ZNF704: variants seen among roughly 807,000 people sequenced by gnomAD.
ZNF704 encodes the protein zinc finger protein 704.
ZNF704 carries 10 observed loss-of-function variants against 44.7 expected under a neutral mutation model. The observed-to-expected ratio is 0.22, with a 90% CI of 0.14 to 0.38. ZNF704 has a LOEUF of 0.38. Among genes scored for constraint, ZNF704 ranks in the 10% least tolerant of loss-of-function variants. The pLI is 1.00. For synonymous variants in ZNF704, 211 were observed against 207.6 expected, an observed-to-expected ratio of 1.02 and a Z score of -0.14; for missense variants, 390 against 545.5, an observed-to-expected ratio of 0.71 and a Z score of 2.84.
At position 80,632,203 on chromosome 8, in the gene ZNF704, T is replaced by C. The variant is rs1817598271; in HGVS notation, c.*9163A>G. 1 of 152,208 alleles carries C rather than the reference T, an allele frequency of 6.6e-6. No individual in the cohort carries two copies. The highest frequency in any genetic ancestry group is 2.1e-4 in the South Asian group (1 of 4,834). 9.4% of individuals were successfully genotyped at this position (152,208 alleles called of 1,614,324 possible). On this transcript the variant is annotated 3_prime_UTR_variant, in exon 9 of 9. Coordinates refer to ENST00000327835, the MANE Select transcript of ZNF704 (RefSeq NM_001033723.3). ...GAAATTTCCTTCCTTAATGGTAGTC[T>C]CACCCCAGGTGCAGCAGTGAAATCT...
intron 2 of ZNF704, among the ~76,000 whole-genome samples, chr8:80,732,978 A>T (rs1585988368): frequency 6.6e-6 from 1 of 150,720 alleles, no homozygotes; most frequent in Non-Finnish European, 1.5e-5. Context: ...AAAAAAGAGA[A>T]CCAGCCAAAT....
chr8:80,684,648 T>C (rs916165109), intron 4 of ZNF704, among the ~76,000 whole-genome samples: 14 of 152,234 alleles, frequency 9.2e-5, no homozygotes, highest in Admixed American at 3.9e-4. Context: ...CATGATTTTT[T>C]AAATCTCTAA....
At chr8:80,832,863 C>T (rs1808492991) in intron 1 of ZNF704, among the ~76,000 whole-genome samples, 2 of 152,070 alleles carry the variant, frequency 1.3e-5, no homozygotes, top group Non-Finnish European at 2.9e-5. Flanking sequence ...TATTCCCCTC[C>T]ACATCAGGAT....
chr8:80,771,147 C>T (rs1807312675), intron 2 of ZNF704, among the ~76,000 whole-genome samples: 1 of 152,154 alleles, frequency 6.6e-6, no homozygotes. Context: ...ATTTATTCCT[C>T]CTACTTTATT....
chr8:80,668,489 G>A (rs1487452199), intron 5 of ZNF704, among the ~76,000 whole-genome samples: 5 of 152,168 alleles, frequency 3.3e-5, no homozygotes, highest in Non-Finnish European at 7.3e-5. Flanking sequence ...AGACCCCAGA[G>A]AGTGGGAAGA....
chr8:80,720,230 T>G (rs1180404500), intron 2 of ZNF704, among the ~76,000 whole-genome samples: 1 of 152,194 alleles, frequency 6.6e-6, no homozygotes, highest in Non-Finnish European at 1.5e-5. Flanking sequence ...TACGGAGATT[T>G]ATATCTCTGC....
At chr8:80,875,642 T>G (rs1040454692), upstream of ZNF704, among the ~76,000 whole-genome samples, 7 of 152,098 alleles carry the variant, frequency 4.6e-5, no homozygotes, top group African/African-American at 1.7e-4. Flanking sequence ...TACCCCCAAT[T>G]CCATCCCTGT....
intron 1 of ZNF704, among the ~76,000 whole-genome samples, chr8:80,826,808 A>G (rs1808385347): frequency 6.6e-6 from 1 of 152,238 alleles, no homozygotes; most frequent in African/African-American, 2.4e-5. Context: ...ATATAAACAG[A>G]ACCAAAGAAA....
chr8:80,814,692 A>G (rs1211583317), intron 2 of ZNF704, among the ~76,000 whole-genome samples: 1 of 152,228 alleles, frequency 6.6e-6, no homozygotes, highest in African/African-American at 2.4e-5. Context: ...GAAATGTTCT[A>G]AAATTTCAAT....
intron 2 of ZNF704, among the ~76,000 whole-genome samples, chr8:80,806,844 T>G (rs551861561): frequency 6.6e-6 from 1 of 152,336 alleles, no homozygotes; most frequent in African/African-American, 2.4e-5. Context: ...CCTCAGCCAC[T>G]GGGTCACTTT....
chr8:80,754,809 T>C (rs1807007538), intron 2 of ZNF704, among the ~76,000 whole-genome samples: 1 of 152,180 alleles, frequency 6.6e-6, no homozygotes, highest in African/African-American at 2.4e-5. Flanking sequence ...CAGTTCTCTG[T>C]GTTCTCTTCT....
chr8:80,830,753 CTTTTT>C (rs772059759), intron 1 of ZNF704, among the ~76,000 whole-genome samples: 84 of 89,130 alleles, frequency 9.4e-4, no homozygotes, highest in African/African-American at 3.9e-3. Flanking sequence ...GTGTTTCTTT[CTTTTT>C]TTTTTTTTTT....
chr8:80,652,620 A>C (rs1295428285), intron 7 of ZNF704, among the ~76,000 whole-genome samples: 1 of 152,216 alleles, frequency 6.6e-6, no homozygotes, highest in African/African-American at 2.4e-5. Context: ...TAAACCAGGA[A>C]GAAGTTGAAT....
intron 2 of ZNF704, among the ~76,000 whole-genome samples, chr8:80,703,884 T>G (rs1018576604): frequency 3.5e-4 from 54 of 152,334 alleles, no homozygotes; most frequent in African/African-American, 1.2e-3. Context: ...TCTGAAAAAC[T>G]TCTGCAGTTC....
chr8:80,883,923 T>G, the ZNF704 span, among the ~76,000 whole-genome samples: 1 of 152,220 alleles, frequency 6.6e-6, no homozygotes, highest in Non-Finnish European at 1.5e-5. Flanking sequence ...CTATGTTTGT[T>G]ATTTTATCTC....
At chr8:80,846,840 C>G (rs1193900513) in intron 1 of ZNF704, among the ~76,000 whole-genome samples, 1 of 152,180 alleles carries the variant, frequency 6.6e-6, no homozygotes, top group Non-Finnish European at 1.5e-5. Flanking sequence ...AGTCACATTT[C>G]TATATACTTA....
chr8:80,828,231 C>A (rs559213730), intron 1 of ZNF704, among the ~76,000 whole-genome samples: 1 of 152,226 alleles, frequency 6.6e-6, no homozygotes, highest in South Asian at 2.1e-4. Context: ...ATAAAGAAGT[C>A]AGAATAATTT....
chr8:80,717,428 G>T (rs2131666163), intron 2 of ZNF704, among the ~76,000 whole-genome samples: 1 of 152,324 alleles, frequency 6.6e-6, no homozygotes, highest in South Asian at 2.1e-4. Context: ...CTGCAAAACT[G>T]GGTTGAAGTT....
chr8:80,714,915 T>A (rs2131663674), intron 2 of ZNF704, among the ~76,000 whole-genome samples: 1 of 152,304 alleles, frequency 6.6e-6, no homozygotes, highest in South Asian at 2.1e-4. Flanking sequence ...CCTCCATGCA[T>A]ACAAGCAGAA....
Sources: allele counts gnomAD v4.1 joint callset (sites outside exome capture counted in the v4.1 genomes callset), GRCh38; gene constraint gnomAD v4.1.1; transcripts MANE v1.5; gene names NCBI Gene and HGNC (gene_info 2026-07-23, HGNC 2026-07-21).